The following INO80 variants were observed in gnomAD, a reference collection of about 807,000 sequenced individuals.
INO80 encodes the protein chromatin-remodeling ATPase INO80.
Under a neutral mutation model 203.4 loss-of-function variants are expected in INO80, and 20 were observed. The observed-to-expected ratio is 0.10, with a 90% CI of 0.07 to 0.14. INO80 has a LOEUF of 0.14. Among genes scored for constraint, INO80 ranks in the 10% least tolerant of loss-of-function variants. INO80 has a pLI of 1.00. For missense variants in INO80, 1,419 were observed against 1,914.4 expected, an observed-to-expected ratio of 0.74 and a Z score of 4.83; for synonymous variants, 726 against 685.2, an observed-to-expected ratio of 1.06 and a Z score of -0.93.
At chr15:41,015,981 G>A in intron 27 of INO80, 107 bp downstream of exon 27, 2 of 831,122 alleles carry the variant, frequency 2.4e-6, no homozygotes, top group South Asian at 1.9e-5. Context: ...AAAGACAAAA[G>A]GGAGTTTTGG....
chr15:41,070,965 T>C (rs1194008608), intron 12 of INO80, among the ~76,000 whole-genome samples: 1 of 152,160 alleles, frequency 6.6e-6, no homozygotes, highest in Non-Finnish European at 1.5e-5. Context: ...GCCCAGGAGT[T>C]TGAGACCAGT....
At chr15:41,051,128 C>CTAAAAAAAAAAAAA (rs2044862216) in intron 19 of INO80, among the ~76,000 whole-genome samples, 1 of 78,516 alleles carries the variant, frequency 1.3e-5, no homozygotes, top group Non-Finnish European at 2.3e-5. Context: ...GACTCCATCT[C>CTAAAAAAAAAAAAA]AAAAAAAAAA....
At chr15:41,062,476 T>C (rs1352765570) in intron 14 of INO80, among the ~76,000 whole-genome samples, 1 of 152,042 alleles carries the variant, frequency 6.6e-6, no homozygotes, top group Non-Finnish European at 1.5e-5. Context: ...GAGGTTGCAG[T>C]GAGTGGAGAT....
intron 29 of INO80, among the ~76,000 whole-genome samples, chr15:40,993,584 C>A (rs2043843080): frequency 6.6e-6 from 1 of 151,934 alleles, no homozygotes; most frequent in South Asian, 2.1e-4. Flanking sequence ...CGTGGTAAAA[C>A]CCCATCTCTA....
At chr15:41,001,844 A>G (rs1424560256) in intron 28 of INO80, among the ~76,000 whole-genome samples, 1 of 152,208 alleles carries the variant, frequency 6.6e-6, no homozygotes, top group Non-Finnish European at 1.5e-5. Context: ...TTCCAGTTGA[A>G]ACTGCAATTT....
chr15:41,012,070 A>G (rs1024353114), intron 27 of INO80, among the ~76,000 whole-genome samples: 1 of 152,214 alleles, frequency 6.6e-6, no homozygotes, highest in Non-Finnish European at 1.5e-5. Flanking sequence ...GCTAGATGCA[A>G]TAGGAATGAA....
intron 23 of INO80, among the ~76,000 whole-genome samples, chr15:41,046,202 CATACATATATATATATATATATATATAT>C (rs374377810): frequency 0.068 from 7,397 of 109,424 alleles, 675 homozygotes; most frequent in Middle Eastern, 0.092. Flanking sequence ...TGTGCGTATA[CATACATATATATATATATATATATATAT>C]ATATATATAT....
chr15:41,013,484 TA>T (rs540246291), intron 27 of INO80, among the ~76,000 whole-genome samples: 1 of 152,080 alleles, frequency 6.6e-6, no homozygotes, highest in Non-Finnish European at 1.5e-5. Flanking sequence ...CTTTCAAAGA[TA>T]AAAAAACGCA....
intron 14 of INO80, among the ~76,000 whole-genome samples, chr15:41,066,769 G>A (rs953007025): frequency 6.7e-5 from 10 of 149,644 alleles, no homozygotes; most frequent in African/African-American, 1.7e-4. Flanking sequence ...TCAGGGCTGC[G>A]GTGAGCTATG....
chr15:41,071,448 C>CTTTTT (rs747609865), intron 12 of INO80, among the ~76,000 whole-genome samples: 6 of 87,036 alleles, frequency 6.9e-5, no homozygotes, highest in Admixed American at 1.3e-4. Flanking sequence ...TACTCATTTC[C>CTTTTT]TTTTTTTTTT....
intron 1 of INO80, among the ~76,000 whole-genome samples, chr15:41,097,763 T>C (rs913160854): frequency 4.0e-4 from 60 of 151,744 alleles, no homozygotes; most frequent in African/African-American, 1.4e-3. Context: ...CATGAGCCAC[T>C]GTACCCAGCC....
chr15:40,980,591 T>G, intron 35 of INO80, 151 bp from the exon 36 acceptor site: 1 of 628,106 alleles, frequency 1.6e-6, no homozygotes, highest in East Asian at 2.8e-5. Flanking sequence ...TTGGCATGTT[T>G]GCTTGCTCTT....
intron 14 of INO80, among the ~76,000 whole-genome samples, chr15:41,066,908 G>C (rs1351976483): frequency 1.3e-5 from 2 of 149,890 alleles, no homozygotes; most frequent in Non-Finnish European, 3.0e-5. Flanking sequence ...TCCTAAATTA[G>C]GATATCGAAA....
chr15:41,090,926 T>C (rs2045630909), intron 5 of INO80, among the ~76,000 whole-genome samples: 1 of 111,414 alleles, frequency 9.0e-6, no homozygotes, highest in South Asian at 2.5e-4. Context: ...TTAGAAATTC[T>C]TTTTTTTTTT....
At chr15:40,980,467 G>C (rs376344200) in intron 35 of INO80, 27 bp from the exon 36 acceptor site, 15 of 1,553,214 alleles carry the variant, frequency 9.7e-6, no homozygotes, top group East Asian at 2.2e-5. Context: ...AGACAAGAAC[G>C]TAAGCACCAG....
chr15:40,989,192 T>G (rs1483372766), intron 29 of INO80, among the ~76,000 whole-genome samples: 3 of 152,072 alleles, frequency 2.0e-5, no homozygotes, highest in Non-Finnish European at 2.9e-5. Flanking sequence ...AACAAAACAC[T>G]GGGGCTATGC....
chr15:40,993,862 C>G (rs1479666124), intron 29 of INO80, among the ~76,000 whole-genome samples: 2 of 152,170 alleles, frequency 1.3e-5, no homozygotes, highest in Non-Finnish European at 2.9e-5. Context: ...GCCACTTAAC[C>G]TCTGATACTC....
At chr15:40,994,426 C>T (rs1218201578) in intron 29 of INO80, among the ~76,000 whole-genome samples, 7 of 152,130 alleles carry the variant, frequency 4.6e-5, no homozygotes, top group Admixed American at 6.5e-5. Flanking sequence ...TACAGTGGCA[C>T]GATCTTGGCG....
rs777136541 is a variant in INO80 at position 40,987,428 on chromosome 15, C to G, written c.3730-235G>C. ...GAACTGCTAACTAGAAAATCTAAGG[C>G]TACTGAATCAGGATGAAAAAAACAA... is the stretch of plus-strand genomic sequence containing the variant. On this transcript the variant is annotated intron_variant, in intron 30 of 35. Transcript: ENST00000648947. Among the ~76,000 whole-genome samples the G allele has an allele frequency of 5.9e-5, 9 of 152,086 alleles. No individual in the cohort carries two copies. In the South Asian group the frequency reaches 1.0e-3, roughly 18 times the overall value.
Sources: gnomAD v4.1 joint callset for allele counts (sites outside exome capture counted in the v4.1 genomes callset) on GRCh38, gnomAD v4.1.1 for gene constraint, MANE v1.5 for transcripts, NCBI Gene and HGNC (gene_info 2026-07-23, HGNC 2026-07-21) for gene names.